Variants in RNF38 observed in about 807,000 individuals in gnomAD.
The protein encoded by RNF38 is ring finger protein 38, also known as E3 ubiquitin-protein ligase RNF38.
Under a neutral mutation model 67.2 loss-of-function variants are expected in RNF38, and 15 were observed. The observed-to-expected ratio is 0.22, with a 90% CI of 0.15 to 0.34. The LOEUF (loss-of-function observed/expected upper bound fraction) is 0.34. Among genes scored for constraint, RNF38 ranks in the 10% least tolerant of loss-of-function variants. The pLI, the probability that RNF38 is intolerant of heterozygous loss-of-function variation, is 1.00. For synonymous variants in RNF38, 220 were observed against 218.8 expected, an observed-to-expected ratio of 1.01 and a Z score of -0.05; for missense variants, 524 against 639.9, an observed-to-expected ratio of 0.82 and a Z score of 1.95.
At chr9:36,467,944 A>G (rs1035509738) in intron 1 of RNF38, among the ~76,000 whole-genome samples, 3 of 152,240 alleles carry the variant, frequency 2.0e-5, no homozygotes, top group Admixed American at 6.5e-5. Context: ...AATCAGGACT[A>G]GTAAAGGCAG....
intron 3 of RNF38, chr9:36,372,636 C>A: frequency 1.6e-6 from 1 of 630,740 alleles, no homozygotes; most frequent in Non-Finnish European, 2.9e-6. Context: ...GAGTAAGACA[C>A]ACTGCTGAAA....
At chr9:36,416,118 T>A (rs577471955) in intron 2 of RNF38, among the ~76,000 whole-genome samples, 23 of 145,954 alleles carry the variant, frequency 1.6e-4, no homozygotes, top group Non-Finnish European at 2.8e-4. Flanking sequence ...AAAAAGACCA[T>A]CAAGTAAGGG....
intron 2 of RNF38, among the ~76,000 whole-genome samples, chr9:36,382,968 T>TA (rs1836317960): frequency 6.6e-6 from 1 of 152,212 alleles, no homozygotes; most frequent in South Asian, 2.1e-4. Flanking sequence ...TCATTTTAAA[T>TA]AAATGTGAAA....
At chr9:36,353,658 T>C (rs1433917307) in intron 6 of RNF38, among the ~76,000 whole-genome samples, 1 of 152,198 alleles carries the variant, frequency 6.6e-6, no homozygotes, top group Non-Finnish European at 1.5e-5. Flanking sequence ...TTAAAATTAC[T>C]TTTTCAGTCA....
intron 2 of RNF38, among the ~76,000 whole-genome samples, chr9:36,383,207 G>GT (rs568169821): frequency 8.0e-4 from 122 of 152,222 alleles, no homozygotes; most frequent in Middle Eastern, 3.4e-3. Context: ...GTAAAATGTG[G>GT]TTTTTTGGTT....
chr9:36,413,607 CTGTT>C (rs1391443788), intron 2 of RNF38, among the ~76,000 whole-genome samples: 5 of 152,254 alleles, frequency 3.3e-5, no homozygotes, highest in African/African-American at 7.2e-5. Context: ...GGATATGTTT[CTGTT>C]TGTTTGTGTC....
intron 2 of RNF38, among the ~76,000 whole-genome samples, chr9:36,388,488 A>G (rs1836813199): frequency 6.6e-6 from 1 of 152,200 alleles, no homozygotes; most frequent in South Asian, 2.1e-4. Context: ...TGACAAAAAA[A>G]AAGCTCAAAA....
Position 36,421,421 on chromosome 9 carries a change from T to C in RNF38, n.312+3192A>G, listed in dbSNP as rs1319514896. On this transcript the variant is annotated intron_variant and non_coding_transcript_variant, in intron 2 of 3. Transcript: ENST00000488058. ...GCTCACGCCTGTAATACCAGCACTT[T>C]GGGAGGCTGAGGTGGGAGGATCACT... Among the ~76,000 whole-genome samples, 5 of 152,030 alleles carry C rather than the reference T, an allele frequency of 3.3e-5. No individual in the cohort carries two copies. In the South Asian group the frequency reaches 8.3e-4, roughly 25 times the overall value.
intron 1 of RNF38, among the ~76,000 whole-genome samples, chr9:36,463,700 A>G (rs1399480750): frequency 1.3e-5 from 2 of 152,246 alleles, no homozygotes; most frequent in Non-Finnish European, 2.9e-5. Context: ...GCAAGTATGT[A>G]TGGTGCACTG....
At chr9:36,375,383 G>A (rs184992372) in intron 3 of RNF38, among the ~76,000 whole-genome samples, 2 of 152,168 alleles carry the variant, frequency 1.3e-5, no homozygotes, top group Non-Finnish European at 1.5e-5. Context: ...AGAGAGACAG[G>A]GTCTTGCTAT....
chr9:36,447,473 A>C (rs1301716325), intron 1 of RNF38, among the ~76,000 whole-genome samples: 1 of 152,228 alleles, frequency 6.6e-6, no homozygotes, highest in Non-Finnish European at 1.5e-5. Context: ...AAATTCTGCT[A>C]TCTCTAAAGG....
At chr9:36,407,960 A>G (rs1385649835) in intron 2 of RNF38, among the ~76,000 whole-genome samples, 1 of 152,184 alleles carries the variant, frequency 6.6e-6, no homozygotes, top group Non-Finnish European at 1.5e-5. Context: ...GCTATTATTA[A>G]TATTCTTGTA....
At chr9:36,446,624 T>C (rs1324315588) in intron 1 of RNF38, among the ~76,000 whole-genome samples, 2 of 150,348 alleles carry the variant, frequency 1.3e-5, no homozygotes, top group South Asian at 2.1e-4. Flanking sequence ...CTGGGCAACA[T>C]GGTGAAACCC....
intron 11 of RNF38, among the ~76,000 whole-genome samples, chr9:36,341,801 T>C (rs1832855441): frequency 1.4e-5 from 1 of 70,040 alleles, no homozygotes. Flanking sequence ...AAAATATATA[T>C]ATATATATAT....
intron 6 of RNF38, among the ~76,000 whole-genome samples, chr9:36,353,733 G>A (rs1833872862): frequency 6.6e-6 from 1 of 152,168 alleles, no homozygotes; most frequent in South Asian, 2.1e-4. Context: ...AACAGGATGT[G>A]CATTTATAAA....
chr9:36,398,693 C>T (rs1837739391), intron 1 of RNF38, among the ~76,000 whole-genome samples: 1 of 152,292 alleles, frequency 6.6e-6, no homozygotes, highest in South Asian at 2.1e-4. Context: ...TGAAAACTGT[C>T]TGACATGTTT....
rs1259708551 is a variant in RNF38, at chr9:36,485,317, C to A, written n.241+1991G>T. Among the ~76,000 whole-genome samples, 4 of 138,732 alleles carry A rather than the reference C, an allele frequency of 2.9e-5. No homozygotes were observed. The East Asian group carries it at 7.7e-4, about 27-fold the overall frequency. 91.0% of individuals were successfully genotyped at this position (138,732 alleles called of 152,430 possible). ...GGATCTCTTAGGGTATATATACACA[C>A]ACACACCCAGAAATGGACATTTTAG... On this transcript the variant is annotated intron_variant and non_coding_transcript_variant, in intron 1 of 3. Coordinates refer to the RNF38 transcript ENST00000488058.
At chr9:36,376,486 A>C (rs1321090359) in intron 2 of RNF38, among the ~76,000 whole-genome samples, 2 of 152,178 alleles carry the variant, frequency 1.3e-5, no homozygotes, top group Admixed American at 1.3e-4. Context: ...ACTACACTAC[A>C]ATCTCCCATC....
intron 4 of RNF38, among the ~76,000 whole-genome samples, chr9:36,358,610 A>G (rs942264788): frequency 2.0e-5 from 3 of 152,240 alleles, no homozygotes; most frequent in Non-Finnish European, 4.4e-5. Context: ...TACTAGCCAG[A>G]TATTTTAAGA....
Sources: gnomAD v4.1 joint callset for allele counts (sites outside exome capture counted in the v4.1 genomes callset) on GRCh38, gnomAD v4.1.1 for gene constraint, MANE v1.5 for transcripts, NCBI Gene and HGNC (gene_info 2026-07-23, HGNC 2026-07-21) for gene names.